TENM2: variants seen among roughly 807,000 people sequenced by gnomAD.
TENM2 encodes the protein teneurin transmembrane protein 2.
A neutral mutation model predicts 245.2 loss-of-function variants in TENM2; 52 were observed. The observed-to-expected ratio is 0.21, with a 90% confidence interval of 0.17 to 0.27. The LOEUF is 0.27. Among genes scored for constraint, TENM2 ranks in the 10% least tolerant of loss-of-function variants. TENM2 has a pLI of 1.00. For missense variants in TENM2, 3,046 were observed against 3,666.8 expected (o/e 0.83, Z 4.37); for synonymous variants, 1,363 against 1,438.9 (o/e 0.95, Z 1.19).
chr5:167,094,675 G>A, the TENM2 span, among the ~76,000 whole-genome samples: 2 of 152,110 alleles, frequency 1.3e-5, no homozygotes, highest in East Asian at 3.9e-4. Context: ...TCTCACTGTG[G>A]AGAAGACCCG....
intron 1 of TENM2, among the ~76,000 whole-genome samples, chr5:167,361,117 G>T (rs935956574): frequency 6.6e-6 from 1 of 152,218 alleles, no homozygotes; most frequent in East Asian, 1.9e-4. Flanking sequence ...TGACATAATA[G>T]AAAACATTAT....
chr5:167,783,172 G>GT (rs1205783127), intron 2 of TENM2, among the ~76,000 whole-genome samples: 1 of 33,652 alleles, frequency 3.0e-5, no homozygotes, highest in African/African-American at 5.8e-5. Context: ...ACTAGAAACA[G>GT]GTTTTTTTTT....
At chr5:168,103,372 G>C (rs1226789173) in intron 9 of TENM2, among the ~76,000 whole-genome samples, 1 of 152,106 alleles carries the variant, frequency 6.6e-6, no homozygotes, top group Non-Finnish European at 1.5e-5. Flanking sequence ...AAAGCCATTA[G>C]CTAATTTACA....
chr5:167,410,820 T>C (rs1762870904), intron 2 of TENM2, among the ~76,000 whole-genome samples: 1 of 152,038 alleles, frequency 6.6e-6, no homozygotes, highest in Non-Finnish European at 1.5e-5. Context: ...CTTTTTAATT[T>C]TATGTATTTT....
chr5:168,026,342 G>C (rs1395124411), intron 5 of TENM2, among the ~76,000 whole-genome samples: 2 of 152,114 alleles, frequency 1.3e-5, no homozygotes, highest in Non-Finnish European at 2.9e-5. Flanking sequence ...TAGAACTGTG[G>C]GAACAGCACA....
chr5:167,805,712 G>A (rs752218399), intron 2 of TENM2, among the ~76,000 whole-genome samples: 3 of 152,074 alleles, frequency 2.0e-5, no homozygotes, highest in Non-Finnish European at 4.4e-5. Context: ...TTCCCTTGAA[G>A]TTTTGTGTTC....
chr5:167,814,460 AAAAAAAAAAG>A (rs796680065), intron 2 of TENM2, among the ~76,000 whole-genome samples: 10 of 150,876 alleles, frequency 6.6e-5, no homozygotes, highest in African/African-American at 1.9e-4. Flanking sequence ...ATTCAAAAAA[AAAAAAAAAAG>A]AAAAAGAAAA....
chr5:167,468,039 C>T (rs1766782375), intron 2 of TENM2, among the ~76,000 whole-genome samples: 1 of 152,234 alleles, frequency 6.6e-6, no homozygotes, highest in East Asian at 1.9e-4. Flanking sequence ...CGGGTTCAAG[C>T]GATTCTCCTG....
chr5:168,248,502 T>G (rs1034631368), intron 27 of TENM2, 131 bp downstream of exon 29: 2 of 879,588 alleles, frequency 2.3e-6, no homozygotes, highest in African/African-American at 1.7e-5. Flanking sequence ...GGCAGTGCAG[T>G]TGGCAGCACT....
the TENM2 span, among the ~76,000 whole-genome samples, chr5:167,164,223 G>A: frequency 1.3e-5 from 2 of 152,258 alleles, no homozygotes; most frequent in Non-Finnish European, 1.5e-5. Flanking sequence ...TTTCTCAGTC[G>A]AGGACCAGAT....
the TENM2 span, among the ~76,000 whole-genome samples, chr5:167,083,057 C>T: frequency 4.0e-5 from 6 of 151,706 alleles, no homozygotes; most frequent in Non-Finnish European, 7.4e-5. Flanking sequence ...ACCACTGTGA[C>T]CCAAAAGAAA....
the TENM2 span, among the ~76,000 whole-genome samples, chr5:167,197,707 G>T: frequency 6.6e-6 from 1 of 151,862 alleles, no homozygotes; most frequent in Admixed American, 6.6e-5. Flanking sequence ...CATGAAATAA[G>T]GCAGCCTCAA....
In TENM2 at chr5:167,391,622, CAAAAAAAA is replaced by C. The variant is rs56202184; in HGVS notation, c.502+16167_502+16174del. Among the ~76,000 whole-genome samples the C allele has an allele frequency of 7.5e-5, 4 of 53,512 alleles. No homozygotes were observed. In the South Asian group the frequency reaches 3.3e-3, roughly 45 times the overall value. 35.1% of individuals were successfully genotyped at this position (53,512 alleles called of 152,430 possible). On this transcript the variant is annotated intron_variant, in intron 2 of 28. Coordinates refer to ENST00000518659, the Ensembl canonical transcript of TENM2. Reference sequence around the variant, plus strand: ...ACTGGGAAACAGAGCAAGACTTCATCAAAAAAAAAAAAAAAAAAAAAAAAAGCACTCTC... The same window carrying C: ...ACTGGGAAACAGAGCAAGACTTCATCAAAAAAAAAAAAAAAAAGCACTCTC...
At chr5:167,668,503 C>G (rs188707366) in intron 2 of TENM2, among the ~76,000 whole-genome samples, 5 of 152,136 alleles carry the variant, frequency 3.3e-5, no homozygotes, top group Admixed American at 2.0e-4. Context: ...ATCATTCATA[C>G]GCTGTAATGG....
At chr5:167,780,833 A>G (rs1764139230) in intron 2 of TENM2, among the ~76,000 whole-genome samples, 1 of 152,318 alleles carries the variant, frequency 6.6e-6, no homozygotes, top group African/African-American at 2.4e-5. Flanking sequence ...CCTTGCTGAC[A>G]TTGTAAAACA....
chr5:167,552,589 G>A lies in TENM2; in HGVS notation c.502+177116G>A, dbSNP rs571641738. Among the ~76,000 whole-genome samples, 38 of 152,284 alleles carry A rather than the reference G, an allele frequency of 2.5e-4. 1 individual carries two copies. Among genetic ancestry groups the A allele is most frequent in the Admixed American group, 2.5e-3 (38 of 15,284 alleles). ...TGTGCAGACACCTATTGACATTGTA[G>A]CCTGGTAATGCTAATTACCACTGGA... is the stretch of plus-strand genomic sequence containing the variant. On this transcript the variant is annotated intron_variant, in intron 2 of 28. Transcript: ENST00000518659.
chr5:168,195,440 A>C, intron 15 of TENM2, 145 bp downstream of exon 17: 1 of 950,480 alleles, frequency 1.1e-6, no homozygotes, highest in East Asian at 2.7e-5. Flanking sequence ...GATTCCCCCA[A>C]AGACATTTCA....
intron 2 of TENM2, among the ~76,000 whole-genome samples, chr5:167,536,173 A>T (rs1477964969): frequency 6.6e-6 from 1 of 152,134 alleles, no homozygotes; most frequent in Non-Finnish European, 1.5e-5. Flanking sequence ...AATAATACCC[A>T]CCTAGGCTCA....
At chr5:167,116,209 C>T in the TENM2 span, 2 of 152,184 alleles carry the variant, frequency 1.3e-5, no homozygotes, top group Middle Eastern at 3.4e-3. Flanking sequence ...AGCTTTCAGA[C>T]CATAATGTAG....
Sources: gnomAD v4.1 joint callset for allele counts (sites outside exome capture counted in the v4.1 genomes callset) on GRCh38, gnomAD v4.1.1 for gene constraint, MANE v1.5 for transcripts, NCBI Gene and HGNC (gene_info 2026-07-23, HGNC 2026-07-21) for gene names.